UBAP2: variants seen among roughly 807,000 people sequenced by gnomAD.
UBAP2 encodes ubiquitin-associated protein 2.
Under a neutral mutation model 139.6 loss-of-function variants are expected in UBAP2, and 75 were observed. That is an observed-to-expected ratio of 0.54 (90% CI 0.45 to 0.65). The LOEUF (loss-of-function observed/expected upper bound fraction) is 0.65. Among genes scored for constraint, UBAP2 ranks in the 30% least tolerant of loss-of-function variants. The pLI is 0.00. For synonymous variants in UBAP2, 526 were observed against 526.2 expected (o/e 1.00, Z 0.01); for missense variants, 1,368 against 1,369.6 (o/e 1.00, Z 0.02).
chr9:34,035,518 T>TATATATATATATAC (rs1554692792), intron 1 of UBAP2, among the ~76,000 whole-genome samples: 2 of 38,558 alleles, frequency 5.2e-5, no homozygotes, highest in Non-Finnish European at 1.0e-4. Context: ...AAAAAAAATA[T>TATATATATATATAC]ATATATATAA....
intron 1 of UBAP2, among the ~76,000 whole-genome samples, chr9:34,044,083 T>G (rs1455221243): frequency 4.4e-5 from 3 of 67,712 alleles, no homozygotes; most frequent in Non-Finnish European, 8.0e-5. Flanking sequence ...AGAATGAAAC[T>G]CCACCTCAAA....
chr9:33,925,562 G>C (rs1250183167), intron 22 of UBAP2, among the ~76,000 whole-genome samples: 4 of 152,192 alleles, frequency 2.6e-5, no homozygotes, highest in Non-Finnish European at 4.4e-5. Flanking sequence ...GAATCCCGGG[G>C]CTCAGCACCA....
intron 12 of UBAP2, among the ~76,000 whole-genome samples, chr9:33,952,207 C>T (rs979960332): frequency 6.6e-6 from 1 of 152,226 alleles, no homozygotes; most frequent in Non-Finnish European, 1.5e-5. Flanking sequence ...AGCTGTAGTT[C>T]TGCATCCATA....
At chr9:33,996,055 A>G in intron 4 of UBAP2, 168 bp downstream of exon 4, 1 of 552,792 alleles carries the variant, frequency 1.8e-6, no homozygotes, top group Non-Finnish European at 3.2e-6. Context: ...AAGAAACCAT[A>G]CATAACAAAA....
At chr9:33,962,870 T>C (rs563323179) in intron 9 of UBAP2, among the ~76,000 whole-genome samples, 4 of 150,688 alleles carry the variant, frequency 2.7e-5, no homozygotes, top group African/African-American at 9.7e-5. Flanking sequence ...TCCCGGCTAC[T>C]TGGGAGGCTG....
chr9:34,033,782 C>G (rs944855741), intron 1 of UBAP2, among the ~76,000 whole-genome samples: 16 of 151,422 alleles, frequency 1.1e-4, no homozygotes, highest in African/African-American at 3.6e-4. Context: ...GTTGCCCAGG[C>G]TGGAGTGCAA....
At chr9:34,040,041 C>A (rs1490885565) in intron 1 of UBAP2, among the ~76,000 whole-genome samples, 1 of 151,812 alleles carries the variant, frequency 6.6e-6, no homozygotes, top group East Asian at 1.9e-4. Flanking sequence ...TGCCTGTAAT[C>A]CCAGCTACTT....
chr9:33,979,440 T>C (rs1820439727), intron 6 of UBAP2, among the ~76,000 whole-genome samples: 1 of 152,096 alleles, frequency 6.6e-6, no homozygotes, highest in Non-Finnish European at 1.5e-5. Context: ...CTGGGTGTGG[T>C]GGCGCATGCC....
At chr9:34,034,282 C>A (rs1055148220) in intron 1 of UBAP2, among the ~76,000 whole-genome samples, 120 of 152,248 alleles carry the variant, frequency 7.9e-4, no homozygotes, top group African/African-American at 2.7e-3. Context: ...CATTATAGTT[C>A]TTCAACTTTC....
chr9:33,964,152 G>A (rs1262654851), intron 8 of UBAP2, among the ~76,000 whole-genome samples: 2 of 152,092 alleles, frequency 1.3e-5, no homozygotes, highest in Admixed American at 1.3e-4. Context: ...TTAATTTGAG[G>A]GTCCCTCATA....
chr9:34,024,148 C>T (rs973512416), intron 1 of UBAP2, among the ~76,000 whole-genome samples: 61 of 152,130 alleles, frequency 4.0e-4, no homozygotes, highest in Middle Eastern at 3.4e-3. Flanking sequence ...CACCTGAGGT[C>T]GGGAGTTCAA....
intron 2 of UBAP2, 123 bp from the exon 3 acceptor site, chr9:33,998,987 C>G (rs760066096): frequency 4.1e-6 from 3 of 731,626 alleles, no homozygotes; most frequent in Non-Finnish European, 6.8e-6. Context: ...AAATAAAAGA[C>G]AGTGAATTTA....
At chr9:33,982,713 T>C (rs1480384158) in intron 6 of UBAP2, among the ~76,000 whole-genome samples, 1 of 152,148 alleles carries the variant, frequency 6.6e-6, no homozygotes, top group Admixed American at 6.5e-5. Flanking sequence ...AAAACTATGG[T>C]GATTTTACAT....
chr9:33,965,510 T>G (rs1223815344), intron 8 of UBAP2, among the ~76,000 whole-genome samples: 1 of 152,234 alleles, frequency 6.6e-6, no homozygotes, highest in Non-Finnish European at 1.5e-5. Context: ...ATATAAGAGA[T>G]CTTTGCCTAA....
chr9:33,927,179 G>A (rs1158161713), intron 20 of UBAP2, 99 bp from the exon 21 acceptor site: 4 of 895,924 alleles, frequency 4.5e-6, no homozygotes, highest in Non-Finnish European at 6.8e-6. Flanking sequence ...AGCTACCCCA[G>A]ATGGGTTCAA....
chr9:34,036,322 G>A (rs1190584180), intron 1 of UBAP2, among the ~76,000 whole-genome samples: 1 of 151,886 alleles, frequency 6.6e-6, no homozygotes, highest in African/African-American at 2.4e-5. Flanking sequence ...TCTCCATGTT[G>A]GTCAGGATGG....
At chr9:34,020,667 T>A (rs1371069456) in intron 1 of UBAP2, among the ~76,000 whole-genome samples, 1 of 146,870 alleles carries the variant, frequency 6.8e-6, no homozygotes, top group African/African-American at 2.5e-5. Context: ...CTGTTTCCTT[T>A]TTTTTTTTTT....
intron 19 of UBAP2, among the ~76,000 whole-genome samples, chr9:33,930,625 C>T (rs1055892820): frequency 6.6e-6 from 1 of 151,996 alleles, no homozygotes; most frequent in Non-Finnish European, 1.5e-5. Flanking sequence ...TGGCCGGGCG[C>T]GGTGGTTCAC....
chr9:33,971,378 G>C (rs1185166089), intron 8 of UBAP2, among the ~76,000 whole-genome samples: 1 of 152,192 alleles, frequency 6.6e-6, no homozygotes, highest in Non-Finnish European at 1.5e-5. Context: ...ACTTTGATCA[G>C]AGTGTGGGTT....
Sources: allele counts gnomAD v4.1 joint callset (sites outside exome capture counted in the v4.1 genomes callset), GRCh38; gene constraint gnomAD v4.1.1; transcripts MANE v1.5; gene names NCBI Gene and HGNC (gene_info 2026-07-23, HGNC 2026-07-21).